TDRD3: variants seen among roughly 807,000 people sequenced by gnomAD.
The protein encoded by TDRD3 is tudor domain containing 3, also known as tudor domain-containing protein 3.
In TDRD3, 45 loss-of-function variants were observed where a neutral mutation model predicts 86.7. The observed-to-expected ratio is 0.52, with a 90% CI of 0.41 to 0.67. The LOEUF (loss-of-function observed/expected upper bound fraction) is 0.67, where lower values mean the gene tolerates loss of function less well. Ranked by LOEUF, TDRD3 falls within the 30% of genes least tolerant of loss-of-function variation. The pLI, the probability that TDRD3 is intolerant of heterozygous loss-of-function variation, is 0.00. For synonymous variants in TDRD3, 298 were observed against 301.7 expected (o/e 0.99, Z 0.13); for missense variants, 814 against 889.0 (o/e 0.92, Z 1.07).
intron 7 of TDRD3, among the ~76,000 whole-genome samples, chr13:60,487,076 A>T (rs936914647): frequency 6.6e-6 from 1 of 152,192 alleles, no homozygotes; most frequent in Non-Finnish European, 1.5e-5. Flanking sequence ...GGATGGTTGC[A>T]TCTGTACTAA....
chr13:60,467,162 G>A (rs771661683), intron 4 of TDRD3, 76 bp from the exon 5 acceptor site: 1 of 1,556,890 alleles, frequency 6.4e-7, no homozygotes, highest in East Asian at 2.3e-5. Context: ...ACAGGCCCCG[G>A]TCTGTGTTGT....
chr13:60,455,733 T>C (rs1436933052), intron 3 of TDRD3, among the ~76,000 whole-genome samples: 1 of 152,006 alleles, frequency 6.6e-6, no homozygotes, highest in Non-Finnish European at 1.5e-5. Context: ...TGTTGTTAGG[T>C]ATACAGATTG....
At position 60,573,813 on chromosome 13, in the gene TDRD3, CT is replaced by C; in HGVS notation, c.*211del. The stretch of plus-strand genomic sequence containing the variant: ...ATACTGAGTTAAATTAAGCAAATAC[CT>C]TTTACAAGTGAAAGGAAGAATTTTT... On this transcript the variant is annotated 3_prime_UTR_variant, in exon 14 of 14. Coordinates refer to ENST00000377881, the MANE Select transcript of TDRD3 (RefSeq NM_001146070.2). 1 of 236,268 alleles carries C rather than the reference CT, an allele frequency of 4.2e-6. No homozygotes were observed. The highest frequency in any genetic ancestry group is 2.1e-3 in the Middle Eastern group (1 of 486). 14.6% of individuals were successfully genotyped at this position (236,268 alleles called of 1,614,324 possible). A position where few individuals can be genotyped will look rare whatever the true frequency, so the allele number is the denominator to read the frequency against.
At chr13:60,533,910 A>G (rs1423502299) in intron 11 of TDRD3, among the ~76,000 whole-genome samples, 2 of 152,210 alleles carry the variant, frequency 1.3e-5, no homozygotes, top group Non-Finnish European at 2.9e-5. Flanking sequence ...AATTGTAGTT[A>G]AGCAACATTC....
At chr13:60,495,467 ATT>A (rs542683486) in intron 8 of TDRD3, among the ~76,000 whole-genome samples, 1 of 145,392 alleles carries the variant, frequency 6.9e-6, no homozygotes. Flanking sequence ...AATCAGAGGT[ATT>A]TTTTTTTTTT....
At chr13:60,456,174 C>T (rs570728935) in intron 3 of TDRD3, among the ~76,000 whole-genome samples, 1 of 151,896 alleles carries the variant, frequency 6.6e-6, no homozygotes, top group Non-Finnish European at 1.5e-5. Context: ...AGTGTTTATC[C>T]AGATGTGATT....
Position 60,535,245 on chromosome 13 carries a change from A to G in TDRD3, c.2118+12A>G, listed in dbSNP as rs1957673865. The G allele has an allele frequency of 1.2e-6, 2 of 1,610,602 alleles. No homozygotes were observed. Among genetic ancestry groups the G allele is most frequent in the Non-Finnish European group, 1.7e-6 (2 of 1,178,662 alleles). On this transcript the variant is annotated intron_variant, in intron 12 of 13. Coordinates refer to ENST00000377881, the MANE Select transcript of TDRD3 (RefSeq NM_001146070.2). Reference sequence around the variant, plus strand: ...AAACAGAGGCATGGGTACGTGATACATATTCTGTACAAAGGCATAAACTAT... The same window carrying G: ...AAACAGAGGCATGGGTACGTGATACGTATTCTGTACAAAGGCATAAACTAT...
intron 12 of TDRD3, among the ~76,000 whole-genome samples, chr13:60,539,936 A>G (rs1957773921): frequency 6.6e-6 from 1 of 152,116 alleles, no homozygotes; most frequent in South Asian, 2.1e-4. Flanking sequence ...ATAAAATATC[A>G]TAGTAGATAT....
At position 60,528,823 on chromosome 13, in the gene TDRD3, G is replaced by T; in HGVS notation, c.1598G>T (p.Arg533Leu). Residue 533 changes from arginine (R) to leucine (L), a missense_variant, in exon 11 of 14, where the codon CGT becomes CTT. Coordinates refer to ENST00000377881, the MANE Select transcript of TDRD3 (RefSeq NM_001146070.2). The stretch of plus-strand genomic sequence containing the variant: ...TCTGTAGATTATAATAATCAAAAAC[G>T]TGGAAAAAGAGAAAGCCAAACATCT... ...QGSVDYNNQK[R>L]GKRESQTSIP... 2 of 1,613,684 alleles carry T rather than the reference G, an allele frequency of 1.2e-6. No homozygotes were observed. Among genetic ancestry groups the T allele is most frequent in the Non-Finnish European group, 8.5e-7 (1 of 1,179,880 alleles).
chr13:60,442,460 C>T (rs1955303868), intron 2 of TDRD3, among the ~76,000 whole-genome samples: 1 of 151,748 alleles, frequency 6.6e-6, no homozygotes, highest in Non-Finnish European at 1.5e-5. Flanking sequence ...TAAAGTTTTA[C>T]AGGCTAAAAG....
At chr13:60,548,690 C>T (rs529238091) in intron 12 of TDRD3, among the ~76,000 whole-genome samples, 1 of 152,038 alleles carries the variant, frequency 6.6e-6, no homozygotes, top group Non-Finnish European at 1.5e-5. Flanking sequence ...CAAATTGAAA[C>T]AGTAAAATAC....
intron 3 of TDRD3, 42 bp from the exon 4 acceptor site, chr13:60,460,338 T>C: frequency 6.6e-7 from 1 of 1,522,362 alleles, no homozygotes; most frequent in Non-Finnish European, 8.8e-7. Flanking sequence ...GAATAGAGTT[T>C]CATGACTAGA....
intron 12 of TDRD3, chr13:60,538,080 A>G (rs778658029): frequency 7.2e-5 from 11 of 152,082 alleles, no homozygotes; most frequent in South Asian, 2.1e-4. Flanking sequence ...AATCAAGTTA[A>G]TACTTTAAAT....
intron 10 of TDRD3, among the ~76,000 whole-genome samples, chr13:60,512,332 C>A (rs1169515254): frequency 6.6e-6 from 1 of 152,134 alleles, no homozygotes; most frequent in Non-Finnish European, 1.5e-5. Context: ...TGTGGGCATT[C>A]AAGATGAGAT....
chr13:60,535,027 T>C (rs2137814926), intron 11 of TDRD3, 81 bp from the exon 12 acceptor site: 1 of 1,543,952 alleles, frequency 6.5e-7, no homozygotes, highest in Non-Finnish European at 8.7e-7. Flanking sequence ...TGGAACACTT[T>C]AAAAATTTAC....
intron 1 of TDRD3, among the ~76,000 whole-genome samples, chr13:60,429,653 G>A (rs938673690): frequency 1.3e-5 from 2 of 152,010 alleles, no homozygotes; most frequent in African/African-American, 4.8e-5. Context: ...AAATAATAAA[G>A]GTATTTCCTT....
chr13:60,529,090 G>T lies in TDRD3; in HGVS notation c.1865G>T (p.Ser622Ile). ...VPCDDKIFYNSGPKRRSGPIK... is the reference protein window; with the variant it reads ...VPCDDKIFYNIGPKRRSGPIK... ...TGTGATGATAAAATATTTTACAATA[G>T]TGGGCCCAAACGAAGATCTGGGCCA... is the stretch of plus-strand genomic sequence containing the variant. Residue 622 changes from serine (S) to isoleucine (I), a missense_variant, in exon 11 of 14, where the codon AGT (serine) becomes ATT (isoleucine). Ser to Ile is a moderately radical substitution (Grantham distance 142). Coordinates refer to ENST00000377881, the MANE Select transcript of TDRD3 (RefSeq NM_001146070.2). The T allele has an allele frequency of 5.0e-6, 8 of 1,614,000 alleles. No individual in the cohort carries two copies. The highest frequency in any genetic ancestry group is 6.8e-6 in the Non-Finnish European group (8 of 1,179,932).
At chr13:60,508,710 C>G (rs1049442897) in intron 8 of TDRD3, among the ~76,000 whole-genome samples, 4 of 152,106 alleles carry the variant, frequency 2.6e-5, no homozygotes, top group South Asian at 2.1e-4. Flanking sequence ...TAGGCATGGG[C>G]AATATATTTC....
chr13:60,537,931 A>T (rs1437289824), intron 12 of TDRD3: 1 of 152,052 alleles, frequency 6.6e-6, no homozygotes, highest in Non-Finnish European at 1.5e-5. Context: ...CCTGCATATA[A>T]GCCAAAAGCC....
Sources: allele counts gnomAD v4.1 joint callset (sites outside exome capture counted in the v4.1 genomes callset), GRCh38; gene constraint gnomAD v4.1.1; transcripts MANE v1.5; gene names NCBI Gene and HGNC (gene_info 2026-07-23, HGNC 2026-07-21).